Variants in PLPPR5 observed in about 807,000 individuals in gnomAD.
PLPPR5 encodes phospholipid phosphatase-related protein type 5.
PLPPR5 carries 16 observed loss-of-function variants against 33.9 expected under a neutral mutation model. The observed-to-expected ratio is 0.47, with a 90% confidence interval of 0.32 to 0.72. The LOEUF (loss-of-function observed/expected upper bound fraction) is 0.72. PLPPR5 is among the 30% of genes least tolerant of loss of function. PLPPR5 has a pLI of 0.03. For missense variants in PLPPR5, 301 were observed against 406.7 expected (o/e 0.74, Z 2.23); for synonymous variants, 163 against 150.3 (o/e 1.08, Z -0.62).
intron 5 of PLPPR5, among the ~76,000 whole-genome samples, chr1:98,899,243 A>C (rs1445150257): frequency 1.3e-5 from 2 of 152,020 alleles, no homozygotes; most frequent in Admixed American, 6.6e-5. Flanking sequence ...TCAAGTGCTG[A>C]CTCCACATCC....
At chr1:98,893,213 T>C (rs879358217) in intron 5 of PLPPR5, 109 bp from the exon 6 acceptor site, 363 of 957,588 alleles carry the variant, frequency 3.8e-4, no homozygotes, top group Non-Finnish European at 5.0e-4. Context: ...AATGTTGAAG[T>C]TGCAAAACAT....
intron 4 of PLPPR5, among the ~76,000 whole-genome samples, chr1:98,921,333 G>T (rs2101160966): frequency 6.6e-6 from 1 of 152,252 alleles, no homozygotes; most frequent in Admixed American, 6.5e-5. Flanking sequence ...AGTTACTGAT[G>T]TAAAATGCCT....
intron 1 of PLPPR5, among the ~76,000 whole-genome samples, chr1:98,957,427 T>C (rs1336877537): frequency 2.0e-5 from 3 of 151,800 alleles, no homozygotes; most frequent in Non-Finnish European, 2.9e-5. Context: ...AAATAAAATA[T>C]ACAAAAGATA....
intron 5 of PLPPR5, among the ~76,000 whole-genome samples, chr1:98,907,083 T>C (rs1030375706): frequency 6.6e-6 from 1 of 152,204 alleles, no homozygotes; most frequent in African/African-American, 2.4e-5. Context: ...TTTCTTATAT[T>C]ACATTTCTGA....
intron 1 of PLPPR5, among the ~76,000 whole-genome samples, chr1:99,002,457 A>G (rs992892667): frequency 1.3e-5 from 2 of 152,136 alleles, no homozygotes; most frequent in African/African-American, 4.8e-5. Flanking sequence ...CAAATGCCAT[A>G]CCCACCTTTT....
intron 5 of PLPPR5, among the ~76,000 whole-genome samples, chr1:98,912,438 T>C (rs910463062): frequency 6.6e-6 from 1 of 152,162 alleles, no homozygotes; most frequent in Non-Finnish European, 1.5e-5. Flanking sequence ...ACAGGATAGA[T>C]TGGTCATCTT....
intron 3 of PLPPR5, among the ~76,000 whole-genome samples, chr1:98,933,279 C>G (rs1650052211): frequency 6.6e-6 from 1 of 151,244 alleles, no homozygotes; most frequent in Non-Finnish European, 1.5e-5. Context: ...GTCAGGAGAT[C>G]GAGACCATCC....
intron 3 of PLPPR5, among the ~76,000 whole-genome samples, chr1:98,923,664 G>A (rs775546254): frequency 6.6e-6 from 1 of 152,116 alleles, no homozygotes; most frequent in Non-Finnish European, 1.5e-5. Context: ...AATACTCTGG[G>A]GCAGGGGGAG....
At chr1:98,896,168 G>A (rs1648465505) in intron 5 of PLPPR5, among the ~76,000 whole-genome samples, 1 of 152,008 alleles carries the variant, frequency 6.6e-6, no homozygotes, top group Non-Finnish European at 1.5e-5. Context: ...ACCAAGGTAT[G>A]TACATGCATA....
intron 4 of PLPPR5, among the ~76,000 whole-genome samples, chr1:98,921,034 G>A (rs1570698726): frequency 6.6e-6 from 1 of 151,866 alleles, no homozygotes. Context: ...CAGATTTTAT[G>A]GTATAAACAT....
At chr1:98,987,420 T>C (rs986762263) in intron 1 of PLPPR5, among the ~76,000 whole-genome samples, 1 of 151,906 alleles carries the variant, frequency 6.6e-6, no homozygotes, top group Non-Finnish European at 1.5e-5. Flanking sequence ...TTAGTCATAA[T>C]TTTGGTTTTT....
At chr1:98,928,839 A>G (rs2101172554) in intron 3 of PLPPR5, among the ~76,000 whole-genome samples, 1 of 151,908 alleles carries the variant, frequency 6.6e-6, no homozygotes, top group East Asian at 1.9e-4. Flanking sequence ...ATATATTACC[A>G]TGTCAAATGG....
Position 99,004,554 on chromosome 1 carries a change from C to A in PLPPR5, c.118G>T (p.Val40Leu), listed in dbSNP as rs766371899. ...CTGTCGTGGCAGAAGAAGCCCTGCA[C>A]GTTCACGGTGAACGTGTCCGTATAC... Reference protein sequence around the residue: ...FEYTDTFTVNVQGFFCHDSAY... With the variant: ...FEYTDTFTVNLQGFFCHDSAY... The change falls in exon 1 of 6, where the codon GTG (valine) becomes TTG (leucine). Residue 40 changes from valine to leucine, a missense_variant. Physicochemically the swap from Val to Leu is conservative, Grantham distance 32. Coordinates refer to ENST00000263177, the MANE Select transcript of PLPPR5 (RefSeq NM_001037317.2). 7.4e-6 allele frequency: 12 copies of A among 1,612,996 alleles called. No individual in the cohort carries two copies. The East Asian group carries it at 8.9e-5, about 12-fold the overall frequency.
intron 5 of PLPPR5, among the ~76,000 whole-genome samples, chr1:98,904,242 A>C (rs1648808971): frequency 6.9e-6 from 1 of 143,972 alleles, no homozygotes; most frequent in African/African-American, 2.5e-5. Context: ...CTTGTAAACT[A>C]TTCCTATCAT....
intron 1 of PLPPR5, among the ~76,000 whole-genome samples, chr1:98,981,215 A>G (rs1197205081): frequency 6.6e-6 from 1 of 152,074 alleles, no homozygotes; most frequent in Non-Finnish European, 1.5e-5. Context: ...AAGTGAGGGT[A>G]AGATGTTAAA....
At chr1:98,974,003 A>T (rs1464470564) in intron 1 of PLPPR5, among the ~76,000 whole-genome samples, 1 of 151,904 alleles carries the variant, frequency 6.6e-6, no homozygotes, top group Non-Finnish European at 1.5e-5. Flanking sequence ...GGTGTAGTAA[A>T]TCCTTTCCGG....
chr1:98,937,943 G>A (rs1650233251), intron 3 of PLPPR5, among the ~76,000 whole-genome samples: 1 of 152,100 alleles, frequency 6.6e-6, no homozygotes, highest in Admixed American at 6.6e-5. Flanking sequence ...TACATAATCT[G>A]TAATAAATAC....
intron 1 of PLPPR5, among the ~76,000 whole-genome samples, chr1:99,001,705 T>TATATATAG (rs1553173330): frequency 6.2e-5 from 8 of 129,158 alleles, no homozygotes; most frequent in African/African-American, 2.2e-4. Context: ...TATATATATA[T>TATATATAG]GAAGCTTTAT....
At chr1:99,001,901 A>C (rs1303663958) in intron 1 of PLPPR5, among the ~76,000 whole-genome samples, 1 of 151,782 alleles carries the variant, frequency 6.6e-6, no homozygotes, top group Non-Finnish European at 1.5e-5. Flanking sequence ...AATCTTTCTA[A>C]GCCATCATGT....
Sources: gnomAD v4.1 joint callset for allele counts (sites outside exome capture counted in the v4.1 genomes callset) on GRCh38, gnomAD v4.1.1 for gene constraint, MANE v1.5 for transcripts, NCBI Gene and HGNC (gene_info 2026-07-23, HGNC 2026-07-21) for gene names.